Variants in FSTL4 observed in about 807,000 individuals in gnomAD.
FSTL4 encodes the protein follistatin like 4.
In FSTL4, 28 loss-of-function variants were observed where a neutral mutation model predicts 78.2. The observed-to-expected ratio is 0.36, with a 90% CI of 0.27 to 0.49. FSTL4 has a LOEUF of 0.49. FSTL4 is among the 20% of genes least tolerant of loss of function. The pLI, the probability that FSTL4 is intolerant of heterozygous loss-of-function variation, is 0.98. For synonymous variants in FSTL4, 422 were observed against 440.5 expected (o/e 0.96, Z 0.53); for missense variants, 922 against 1,084.9 (o/e 0.85, Z 2.11).
chr5:133,255,881 A>G (rs770487007), intron 6 of FSTL4, among the ~76,000 whole-genome samples: 1 of 152,146 alleles, frequency 6.6e-6, no homozygotes, highest in Non-Finnish European at 1.5e-5. Flanking sequence ...CTCAGGCGCT[A>G]TTTCTCACAC....
the FSTL4 span, among the ~76,000 whole-genome samples, chr5:133,733,403 A>T: frequency 6.6e-6 from 1 of 152,236 alleles, no homozygotes; most frequent in Non-Finnish European, 1.5e-5. Context: ...CCTGATATTC[A>T]TAATCACATG....
chr5:133,366,354 C>G lies in FSTL4; in HGVS notation c.409+34384G>C, dbSNP rs73265673. Among the ~76,000 whole-genome samples, 1,034 of 152,280 alleles carry G rather than the reference C, an allele frequency of 6.8e-3. 14 individuals carry two copies. The highest frequency in any genetic ancestry group is 0.024 in the African/African-American group (986 of 41,552). On this transcript the variant is annotated intron_variant, in intron 4 of 15. Transcript: ENST00000265342. Reference sequence around the variant, plus strand: ...ATGCTTTTCTTTATGGTCTTTACCACCTGTCATCCTTGTCTGTTCATGTGT... The same window carrying G: ...ATGCTTTTCTTTATGGTCTTTACCAGCTGTCATCCTTGTCTGTTCATGTGT...
chr5:133,314,980 G>T (rs1367305527), intron 5 of FSTL4, among the ~76,000 whole-genome samples: 3 of 152,072 alleles, frequency 2.0e-5, no homozygotes, highest in Non-Finnish European at 4.4e-5. Flanking sequence ...CTGGCAAAAT[G>T]GTGAAACCAT....
At chr5:133,495,720 C>A (rs1230605343) in intron 3 of FSTL4, among the ~76,000 whole-genome samples, 4 of 152,192 alleles carry the variant, frequency 2.6e-5, no homozygotes, top group Non-Finnish European at 5.9e-5. Context: ...CTTGTGTAAA[C>A]TAGTGGCCTT....
At chr5:133,531,949 C>A (rs1329313423) in intron 3 of FSTL4, among the ~76,000 whole-genome samples, 4 of 152,144 alleles carry the variant, frequency 2.6e-5, no homozygotes, top group Non-Finnish European at 4.4e-5. Flanking sequence ...GAATAACGGC[C>A]CCACAGATAT....
chr5:133,264,359 A>G (rs1752598845), intron 6 of FSTL4, among the ~76,000 whole-genome samples: 1 of 152,142 alleles, frequency 6.6e-6, no homozygotes, highest in African/African-American at 2.4e-5. Flanking sequence ...CTGTGTGGAT[A>G]CATCCCTGTC....
intron 3 of FSTL4, among the ~76,000 whole-genome samples, chr5:133,462,202 C>T (rs767634269): frequency 9.2e-5 from 14 of 152,202 alleles, no homozygotes; most frequent in Non-Finnish European, 1.8e-4. Context: ...CCCCGATGTC[C>T]CCTCTGGCCC....
At chr5:133,329,344 G>C (rs1216637814) in intron 4 of FSTL4, among the ~76,000 whole-genome samples, 2 of 152,188 alleles carry the variant, frequency 1.3e-5, no homozygotes, top group Non-Finnish European at 2.9e-5. Context: ...ACTTCTGCTG[G>C]CCTGGTGTAT....
At chr5:133,655,592 T>C in the FSTL4 span, among the ~76,000 whole-genome samples, 5 of 152,122 alleles carry the variant, frequency 3.3e-5, no homozygotes, top group Non-Finnish European at 5.9e-5. Flanking sequence ...GATGTATTGG[T>C]GAACTATACA....
At chr5:133,202,175 T>G (rs1750344304) in intron 14 of FSTL4, 133 bp from the exon 15 acceptor site, 1 of 563,936 alleles carries the variant, frequency 1.8e-6, no homozygotes, top group African/African-American at 1.9e-5. Flanking sequence ...AACCTCAATC[T>G]CAGGGAAGAG....
chr5:133,598,634 A>T (rs1760790424), intron 2 of FSTL4, among the ~76,000 whole-genome samples: 1 of 152,178 alleles, frequency 6.6e-6, no homozygotes, highest in African/African-American at 2.4e-5. Flanking sequence ...AGGGGCCCAG[A>T]GAAGTGGCCC....
At chr5:133,370,690 G>T (rs1038864609) in intron 4 of FSTL4, among the ~76,000 whole-genome samples, 9 of 152,130 alleles carry the variant, frequency 5.9e-5, no homozygotes, top group African/African-American at 1.7e-4. Flanking sequence ...AGGAATGAGG[G>T]ATGAGGCGGT....
intron 2 of FSTL4, among the ~76,000 whole-genome samples, chr5:133,582,916 G>A (rs1760460211): frequency 6.6e-6 from 1 of 152,148 alleles, no homozygotes; most frequent in South Asian, 2.1e-4. Flanking sequence ...CACTAGCCAT[G>A]GCCATCCCAT....
the FSTL4 span, among the ~76,000 whole-genome samples, chr5:133,646,055 C>A: frequency 1.7e-3 from 260 of 152,306 alleles, 2 homozygotes; most frequent in Middle Eastern, 3.4e-3. Context: ...CATGGTCCTA[C>A]CCTCCTAGAG....
In FSTL4 at chr5:133,516,843, A is replaced by G. The variant is rs1758861685; in HGVS notation, c.160+50343T>C. Reference sequence around the variant, plus strand: ...TACATGTAAATAGGGTGTCATTTCAAGGAAAAAAAGAAAGGATATGTCATT... The same window carrying G: ...TACATGTAAATAGGGTGTCATTTCAGGGAAAAAAAGAAAGGATATGTCATT... On this transcript the variant is annotated intron_variant, in intron 3 of 15. Coordinates refer to ENST00000265342, the MANE Select transcript of FSTL4 (RefSeq NM_015082.2). Among the ~76,000 whole-genome samples the G allele has an allele frequency of 2.6e-5, 4 of 152,226 alleles. No homozygotes were observed. In the South Asian group the frequency reaches 8.3e-4, roughly 32 times the overall value.
At chr5:133,390,155 T>A (rs1755809046) in intron 4 of FSTL4, among the ~76,000 whole-genome samples, 1 of 152,262 alleles carries the variant, frequency 6.6e-6, no homozygotes, top group Admixed American at 6.5e-5. Flanking sequence ...GAGCCCTTTT[T>A]TCCAGCTACA....
At chr5:133,770,648 T>C in the FSTL4 span, among the ~76,000 whole-genome samples, 10 of 152,332 alleles carry the variant, frequency 6.6e-5, no homozygotes, top group African/African-American at 2.4e-4. Context: ...TGTGCAAATA[T>C]TGTTTCCCAT....
chr5:133,718,062 T>C, the FSTL4 span, among the ~76,000 whole-genome samples: 3 of 151,782 alleles, frequency 2.0e-5, no homozygotes, highest in East Asian at 5.8e-4. Flanking sequence ...TCCTCTCCAA[T>C]ATTTAGTTTG....
chr5:133,410,302 C>A (rs997587881), intron 3 of FSTL4, among the ~76,000 whole-genome samples: 1 of 152,170 alleles, frequency 6.6e-6, no homozygotes, highest in Non-Finnish European at 1.5e-5. Flanking sequence ...CTGTCACCGG[C>A]CCTCATTTTT....
Sources: gnomAD v4.1 joint callset for allele counts (sites outside exome capture counted in the v4.1 genomes callset) on GRCh38, gnomAD v4.1.1 for gene constraint, MANE v1.5 for transcripts, NCBI Gene and HGNC (gene_info 2026-07-23, HGNC 2026-07-21) for gene names.